Variants in FSTL4 observed in about 807,000 individuals in gnomAD.
The protein encoded by FSTL4 is follistatin like 4.
Under a neutral mutation model 78.2 loss-of-function variants are expected in FSTL4, and 28 were observed. The ratio of observed to expected loss-of-function variants is 0.36; its 90% CI spans 0.27 to 0.49. The LOEUF (loss-of-function observed/expected upper bound fraction) is 0.49, where lower values mean the gene tolerates loss of function less well. Ranked by LOEUF, FSTL4 falls within the 20% of genes least tolerant of loss-of-function variation. The pLI is 0.98. For synonymous variants in FSTL4, 422 were observed against 440.5 expected (o/e 0.96, Z 0.53); for missense variants, 922 against 1,084.9 (o/e 0.85, Z 2.11).
chr5:133,701,981 C>T, the FSTL4 span, among the ~76,000 whole-genome samples: 1 of 152,108 alleles, frequency 6.6e-6, no homozygotes, highest in Non-Finnish European at 1.5e-5. Context: ...TAAACTCTAC[C>T]ACTGTCATGA....
chr5:133,365,748 AT>A (rs1313422926), intron 4 of FSTL4, among the ~76,000 whole-genome samples: 1 of 152,238 alleles, frequency 6.6e-6, no homozygotes, highest in Non-Finnish European at 1.5e-5. Flanking sequence ...TGGGCTGGCC[AT>A]TTCAACTTCC....
At chr5:133,688,722 C>G in the FSTL4 span, among the ~76,000 whole-genome samples, 1 of 152,342 alleles carries the variant, frequency 6.6e-6, no homozygotes, top group East Asian at 1.9e-4. Flanking sequence ...ATGATTCTGA[C>G]TTCCTCAGTA....
intron 6 of FSTL4, among the ~76,000 whole-genome samples, chr5:133,301,225 G>A (rs1427610932): frequency 1.3e-5 from 2 of 152,304 alleles, no homozygotes; most frequent in South Asian, 2.1e-4. Flanking sequence ...GAGCAGAAGT[G>A]CAGCCAGCAT....
At chr5:133,366,226 C>G (rs1755178187) in intron 4 of FSTL4, among the ~76,000 whole-genome samples, 1 of 152,170 alleles carries the variant, frequency 6.6e-6, no homozygotes, top group Admixed American at 6.5e-5. Context: ...TTTTGGATGG[C>G]TGACTCCATC....
chr5:133,340,772 C>T (rs1321935146), intron 4 of FSTL4, among the ~76,000 whole-genome samples: 1 of 152,074 alleles, frequency 6.6e-6, no homozygotes, highest in Admixed American at 6.6e-5. Context: ...ACAGACCAAG[C>T]TAAACTGGAA....
At chr5:133,564,285 A>G (rs1759980494) in intron 3 of FSTL4, among the ~76,000 whole-genome samples, 1 of 152,130 alleles carries the variant, frequency 6.6e-6, no homozygotes, top group South Asian at 2.1e-4. Flanking sequence ...GGACTTTGAC[A>G]TGTCTTTTTG....
In FSTL4 at chr5:133,498,397, G is replaced by A. The variant is rs78797609; in HGVS notation, c.160+68789C>T. 1.3e-3 allele frequency among the ~76,000 whole-genome samples: 203 copies of A among 152,218 alleles called. 3 individuals are homozygous for A. The East Asian group carries it at 0.03, about 23-fold the overall frequency. On this transcript the variant is annotated intron_variant, in intron 3 of 15. Transcript: ENST00000265342. ...CTATACATCTATACATTATTGATAC[G>A]TCTATACATTTAAAGTTATCCTTTA...
At chr5:133,625,118 G>T in the FSTL4 span, among the ~76,000 whole-genome samples, 1 of 151,544 alleles carries the variant, frequency 6.6e-6, no homozygotes, top group South Asian at 2.1e-4. Flanking sequence ...TTTGGTATTA[G>T]GGTAATACTA....
chr5:133,788,958 C>T, the FSTL4 span, among the ~76,000 whole-genome samples: 2 of 152,168 alleles, frequency 1.3e-5, no homozygotes, highest in Admixed American at 6.5e-5. Context: ...GAAACATCCA[C>T]TCCTCCAAGA....
chr5:133,746,593 G>T, the FSTL4 span, among the ~76,000 whole-genome samples: 2 of 151,896 alleles, frequency 1.3e-5, no homozygotes, highest in Admixed American at 1.3e-4. Flanking sequence ...ATAATTTCTG[G>T]CTCAGAAAGC....
intron 3 of FSTL4, among the ~76,000 whole-genome samples, chr5:133,548,504 CA>C (rs200957104): frequency 6.7e-6 from 1 of 150,056 alleles, no homozygotes; most frequent in East Asian, 1.9e-4. Flanking sequence ...AGGGAGAAAC[CA>C]AAAAAAAATC....
chr5:133,265,499 A>T (rs753884631), intron 6 of FSTL4, among the ~76,000 whole-genome samples: 1 of 152,160 alleles, frequency 6.6e-6, no homozygotes, highest in Non-Finnish European at 1.5e-5. Context: ...CCCTGCACCC[A>T]GTAAGGATGC....
At chr5:133,752,474 A>G in the FSTL4 span, among the ~76,000 whole-genome samples, 8 of 152,104 alleles carry the variant, frequency 5.3e-5, no homozygotes, top group East Asian at 1.4e-3. Flanking sequence ...AAAGCTAGCC[A>G]GTTGTGGTGG....
At chr5:133,592,971 T>A (rs964834545) in intron 2 of FSTL4, among the ~76,000 whole-genome samples, 6 of 152,154 alleles carry the variant, frequency 3.9e-5, no homozygotes, top group South Asian at 4.1e-4. Flanking sequence ...CCACAATCAA[T>A]TGGACCAGGA....
At chr5:133,445,095 C>T (rs1331405308) in intron 3 of FSTL4, among the ~76,000 whole-genome samples, 3 of 152,226 alleles carry the variant, frequency 2.0e-5, no homozygotes, top group Admixed American at 1.3e-4. Flanking sequence ...AGGGTAAGGA[C>T]TGAAGACCCA....
At chr5:133,604,633 C>T (rs34491779) in intron 1 of FSTL4, among the ~76,000 whole-genome samples, 11,455 of 152,050 alleles carry the variant, frequency 0.075, 457 homozygotes, top group South Asian at 0.18. Context: ...CGCTTGAACT[C>T]GGGAGGCGGA....
chr5:133,468,391 GCTGT>G (rs1757755835), intron 3 of FSTL4, among the ~76,000 whole-genome samples: 1 of 152,354 alleles, frequency 6.6e-6, no homozygotes, highest in South Asian at 2.1e-4. Context: ...GTGGTTTGTG[GCTGT>G]CTGTATTTTG....
At position 133,273,414 on chromosome 5, in the gene FSTL4, T is replaced by C. The variant is rs145186118; in HGVS notation, c.728-23838A>G. 5.3e-5 allele frequency among the ~76,000 whole-genome samples: 8 copies of C among 152,296 alleles called. No homozygotes were observed. In the East Asian group the frequency reaches 9.7e-4, roughly 18 times the overall value. ...ATACCTAGGACTTGTAACATAGCCA[T>C]GTTGGAGACTTAGCTCTAGAGTCCT... On this transcript the variant is annotated intron_variant, in intron 6 of 15. Coordinates refer to ENST00000265342, the MANE Select transcript of FSTL4 (RefSeq NM_015082.2).
the FSTL4 span, among the ~76,000 whole-genome samples, chr5:133,721,456 G>A: frequency 6.6e-6 from 1 of 152,048 alleles, no homozygotes; most frequent in Non-Finnish European, 1.5e-5. Flanking sequence ...TTTCTTGTAG[G>A]GCAGTACTAG....
Sources: gnomAD v4.1 joint callset for allele counts (sites outside exome capture counted in the v4.1 genomes callset) on GRCh38, gnomAD v4.1.1 for gene constraint, MANE v1.5 for transcripts, NCBI Gene and HGNC (gene_info 2026-07-23, HGNC 2026-07-21) for gene names.